Variants in IGFBP7 observed in about 807,000 individuals in gnomAD.
The protein encoded by IGFBP7 is insulin-like growth factor-binding protein 7.
IGFBP7 carries 31 observed loss-of-function variants against 29.4 expected under a neutral mutation model. The ratio of observed to expected loss-of-function variants is 1.05; its 90% CI spans 0.79 to 1.42. The LOEUF is 1.42. Ranked by LOEUF, IGFBP7 falls within the 40% of genes most tolerant of loss-of-function variation. IGFBP7 has a pLI of 0.00. For synonymous variants in IGFBP7, 172 were observed against 174.9 expected (o/e 0.98, Z 0.13); for missense variants, 393 against 395.5 (o/e 0.99, Z 0.05).
chr4:57,034,462 C>T (rs1415861186), intron 2 of IGFBP7, among the ~76,000 whole-genome samples: 2 of 151,970 alleles, frequency 1.3e-5, no homozygotes, highest in Non-Finnish European at 2.9e-5. Context: ...GGATTTACAA[C>T]CTCAAATAGC....
chr4:57,062,781 G>A (rs993869606), intron 1 of IGFBP7, among the ~76,000 whole-genome samples: 1 of 152,184 alleles, frequency 6.6e-6, no homozygotes, highest in Non-Finnish European at 1.5e-5. Flanking sequence ...AAAAGTCAAT[G>A]TTAACACTTA....
At position 57,048,988 on chromosome 4, in the gene IGFBP7, A is replaced by G. The variant is rs991638550; in HGVS notation, c.476-8055T>C. Reference sequence around the variant, plus strand: ...CATGAATGTGTCCTAGAGCTGGGACATAGATGTCAAAGATGCTTTGACATT... The same window carrying G: ...CATGAATGTGTCCTAGAGCTGGGACGTAGATGTCAAAGATGCTTTGACATT... On this transcript the variant is annotated intron_variant, in intron 1 of 4. Coordinates refer to ENST00000295666, the MANE Select transcript of IGFBP7 (RefSeq NM_001553.3). Among the ~76,000 whole-genome samples the G allele has an allele frequency of 9.9e-5, 15 of 152,216 alleles. 1 individual carries two copies. Among genetic ancestry groups the G allele is most frequent in the Non-Finnish European group, 4.4e-5 (3 of 68,038 alleles).
chr4:57,051,119 A>G (rs1170569191), intron 1 of IGFBP7, among the ~76,000 whole-genome samples: 1 of 152,262 alleles, frequency 6.6e-6, no homozygotes, highest in Non-Finnish European at 1.5e-5. Flanking sequence ...GAACAGGAGC[A>G]CACAAAAGTA....
At chr4:57,085,918 C>T (rs576794814) in intron 1 of IGFBP7, among the ~76,000 whole-genome samples, 1 of 152,158 alleles carries the variant, frequency 6.6e-6, no homozygotes, top group African/African-American at 2.4e-5. Context: ...TTGTTTCTGT[C>T]CTGCTCAATT....
chr4:57,095,229 C>T (rs1238036960), intron 1 of IGFBP7, among the ~76,000 whole-genome samples: 3 of 152,184 alleles, frequency 2.0e-5, no homozygotes, highest in South Asian at 2.1e-4. Context: ...TATTAAATAA[C>T]GTGCCTTTAA....
intron 1 of IGFBP7, among the ~76,000 whole-genome samples, chr4:57,046,069 G>C (rs773782794): frequency 6.6e-6 from 1 of 152,036 alleles, no homozygotes; most frequent in Non-Finnish European, 1.5e-5. Flanking sequence ...TTAGAGAAAG[G>C]TAAATGAAGA....
At chr4:57,053,537 G>A (rs13109999) in intron 1 of IGFBP7, among the ~76,000 whole-genome samples, 35,678 of 151,716 alleles carry the variant, frequency 0.24, 4,419 homozygotes, top group East Asian at 0.33. Flanking sequence ...TGGTGAGCTC[G>A]CTCTGGTAAC....
At chr4:57,037,299 C>A (rs1188664884) in intron 2 of IGFBP7, among the ~76,000 whole-genome samples, 2 of 151,910 alleles carry the variant, frequency 1.3e-5, no homozygotes, top group Non-Finnish European at 2.9e-5. Context: ...GGAAAGTCTG[C>A]AGAAAAAATT....
At chr4:57,077,162 A>G (rs961637251) in intron 1 of IGFBP7, among the ~76,000 whole-genome samples, 2 of 152,216 alleles carry the variant, frequency 1.3e-5, no homozygotes, top group Non-Finnish European at 2.9e-5. Context: ...CGTTTATATG[A>G]AAGAGACAAA....
chr4:57,047,250 A>T lies in IGFBP7; in HGVS notation c.476-6317T>A, dbSNP rs542135437. Among the ~76,000 whole-genome samples the T allele has an allele frequency of 5.3e-5, 8 of 152,340 alleles. No individual in the cohort carries two copies. The South Asian group carries it at 1.0e-3, about 20-fold the overall frequency. On this transcript the variant is annotated intron_variant, in intron 1 of 4. Transcript: ENST00000295666. The stretch of plus-strand genomic sequence containing the variant: ...GTCTCATGAGATCTGATGGTTTCAT[A>T]AAGGGCAGTTCCCCTGCACATGCTG...
intron 2 of IGFBP7, among the ~76,000 whole-genome samples, chr4:57,035,606 A>G (rs1724065191): frequency 6.6e-6 from 1 of 152,098 alleles, no homozygotes; most frequent in African/African-American, 2.4e-5. Context: ...GATTACAGGC[A>G]TGTGCCACCA....
intron 1 of IGFBP7, among the ~76,000 whole-genome samples, chr4:57,079,123 A>G (rs1420708014): frequency 6.6e-6 from 1 of 152,138 alleles, no homozygotes; most frequent in African/African-American, 2.4e-5. Flanking sequence ...CAAAAGCAGC[A>G]CACATCTACT....
chr4:57,079,416 G>GTTC (rs1725308976), intron 1 of IGFBP7, among the ~76,000 whole-genome samples: 4 of 152,018 alleles, frequency 2.6e-5, no homozygotes, highest in African/African-American at 9.7e-5. Flanking sequence ...AAAAAAAAAA[G>GTTC]AGCAGAGCCT....
At chr4:57,043,845 T>G (rs1724288721) in intron 1 of IGFBP7, among the ~76,000 whole-genome samples, 1 of 152,192 alleles carries the variant, frequency 6.6e-6, no homozygotes, top group African/African-American at 2.4e-5. Context: ...TGCAAAGGGC[T>G]GGGCCTCACC....
intron 2 of IGFBP7, among the ~76,000 whole-genome samples, chr4:57,036,124 G>T (rs1724077913): frequency 6.6e-6 from 1 of 152,228 alleles, no homozygotes; most frequent in South Asian, 2.1e-4. Context: ...CTGTTGAGAA[G>T]CAGACTTGGA....
At chr4:57,044,586 G>T (rs1206966364) in intron 1 of IGFBP7, among the ~76,000 whole-genome samples, 2 of 152,118 alleles carry the variant, frequency 1.3e-5, no homozygotes, top group Non-Finnish European at 2.9e-5. Context: ...ACATCCAATT[G>T]CTTCAGCACC....
intron 1 of IGFBP7, among the ~76,000 whole-genome samples, chr4:57,051,093 G>C (rs1724493138): frequency 6.6e-6 from 1 of 152,152 alleles, no homozygotes; most frequent in African/African-American, 2.4e-5. Context: ...ATGAGATTCT[G>C]ATAACACATT....
chr4:57,085,714 C>T (rs1410240028), intron 1 of IGFBP7, among the ~76,000 whole-genome samples: 1 of 152,004 alleles, frequency 6.6e-6, no homozygotes. Context: ...TTTCTCTGTG[C>T]TTTTTTAAAA....
At chr4:57,041,785 T>A (rs866668876) in intron 1 of IGFBP7, among the ~76,000 whole-genome samples, 4 of 152,136 alleles carry the variant, frequency 2.6e-5, no homozygotes, top group African/African-American at 4.8e-5. Context: ...GTAATTCTCC[T>A]GCCTCAGCCT....
Sources: gnomAD v4.1 joint callset for allele counts (sites outside exome capture counted in the v4.1 genomes callset) on GRCh38, gnomAD v4.1.1 for gene constraint, MANE v1.5 for transcripts, NCBI Gene and HGNC (gene_info 2026-07-23, HGNC 2026-07-21) for gene names.